Variants in EPB41L3 observed in about 807,000 individuals in gnomAD.
EPB41L3 encodes band 4.1-like protein 3.
EPB41L3 carries 57 observed loss-of-function variants against 127.1 expected under a neutral mutation model. The observed-to-expected ratio is 0.45, with a 90% CI of 0.36 to 0.56. The LOEUF (loss-of-function observed/expected upper bound fraction) is 0.56. Ranked by LOEUF, EPB41L3 falls within the 20% of genes least tolerant of loss-of-function variation. EPB41L3 has a pLI of 0.00. For synonymous variants in EPB41L3, 572 were observed against 549.5 expected, an observed-to-expected ratio of 1.04 and a Z score of -0.57; for missense variants, 1,273 against 1,372.2, an observed-to-expected ratio of 0.93 and a Z score of 1.14.
At chr18:5,609,662 T>C (rs2094703545) in intron 3 of EPB41L3, among the ~76,000 whole-genome samples, 1 of 152,192 alleles carries the variant, frequency 6.6e-6, no homozygotes, top group Admixed American at 6.5e-5. Flanking sequence ...CAACGTACAA[T>C]TTCCAATGGA....
chr18:5,570,236 T>C (rs896982390), intron 3 of EPB41L3: 6 of 152,166 alleles, frequency 3.9e-5, no homozygotes, highest in African/African-American at 1.4e-4. Context: ...TAAAATTATA[T>C]TTAGAATGAG....
At chr18:5,473,470 T>C (rs912446593) in intron 3 of EPB41L3, among the ~76,000 whole-genome samples, 4 of 151,218 alleles carry the variant, frequency 2.6e-5, no homozygotes, top group Non-Finnish European at 5.9e-5. Flanking sequence ...GGACCGAAAT[T>C]TGAGATCAAG....
chr18:5,611,313 T>C (rs2094722770), intron 3 of EPB41L3, among the ~76,000 whole-genome samples: 1 of 152,134 alleles, frequency 6.6e-6, no homozygotes, highest in Non-Finnish European at 1.5e-5. Flanking sequence ...TACTCAGCCT[T>C]CAAAAGGAAG....
At chr18:5,440,210 T>A (rs2080472220) in intron 5 of EPB41L3, among the ~76,000 whole-genome samples, 1 of 152,206 alleles carries the variant, frequency 6.6e-6, no homozygotes, top group Non-Finnish European at 1.5e-5. Context: ...AAAAATGGGC[T>A]TTGGAACCAC....
At position 5,535,331 on chromosome 18, in the gene EPB41L3, C is replaced by A. The variant is rs115759816; in HGVS notation, c.-12+8582G>T. On this transcript the variant is annotated intron_variant, in intron 1 of 22. Transcript: ENST00000341928. ...CCCCTGTTCTACAATATAACTCCCCCCAATGAATTACTGCTCTCATTTCAA... is the reference window on the plus strand; with the variant it reads ...CCCCTGTTCTACAATATAACTCCCCACAATGAATTACTGCTCTCATTTCAA... Among the ~76,000 whole-genome samples, 923 of 152,234 alleles carry A rather than the reference C, an allele frequency of 6.1e-3. 9 individuals are homozygous for A. Among genetic ancestry groups the A allele is most frequent in the African/African-American group, 0.022 (896 of 41,510 alleles).
At chr18:5,409,181 C>T (rs2144185802) in intron 14 of EPB41L3, among the ~76,000 whole-genome samples, 1 of 152,282 alleles carries the variant, frequency 6.6e-6, no homozygotes, top group South Asian at 2.1e-4. Flanking sequence ...ACCCATTCTT[C>T]AGTGCATAGG....
chr18:5,515,254 TGA>T lies in EPB41L3; in HGVS notation c.-11-26062_-11-26061del. 2.6e-5 allele frequency among the ~76,000 whole-genome samples: 4 copies of T among 152,338 alleles called. No homozygotes were observed. The South Asian group carries it at 6.2e-4, about 24-fold the overall frequency. On this transcript the variant is annotated intron_variant, in intron 1 of 22. Coordinates refer to ENST00000341928, the MANE Select transcript of EPB41L3 (RefSeq NM_012307.5). ...CACCATGTACACTGCGGGGTGCTAC[TGA>T]GAGTTTTTTTGCTTTGTAGCATTCC...
chr18:5,463,681 A>T (rs2084429698), intron 3 of EPB41L3: 1 of 152,200 alleles, frequency 6.6e-6, no homozygotes, highest in African/African-American at 2.4e-5. Flanking sequence ...CAGGGAAATG[A>T]ATTATGCCGA....
At chr18:5,588,349 C>T (rs1355117129) in intron 3 of EPB41L3, among the ~76,000 whole-genome samples, 2 of 151,916 alleles carry the variant, frequency 1.3e-5, no homozygotes, top group African/African-American at 4.8e-5. Context: ...TGGCCTTTTC[C>T]TAATTATAAA....
chr18:5,424,747 G>A (rs2077926473), intron 9 of EPB41L3, among the ~76,000 whole-genome samples: 1 of 152,118 alleles, frequency 6.6e-6, no homozygotes, highest in Non-Finnish European at 1.5e-5. Flanking sequence ...GTACAGAAAT[G>A]AACAAAATGT....
rs370424901 is a variant in EPB41L3 at position 5,398,004 on chromosome 18, C to T, written c.2472+17G>A. 70 of 1,613,810 alleles carry T rather than the reference C, an allele frequency of 4.3e-5. No individual in the cohort carries two copies. The highest frequency in any genetic ancestry group is 3.6e-4 in the African/African-American group (27 of 74,896). The stretch of plus-strand genomic sequence containing the variant: ...TGGGCACATTCAGAAACACCAAGGA[C>T]GAAAACAAATGGCCACCTGAACCCA... On this transcript the variant is annotated intron_variant, in intron 17 of 22. Coordinates refer to ENST00000341928, the MANE Select transcript of EPB41L3 (RefSeq NM_012307.5).
intron 3 of EPB41L3, among the ~76,000 whole-genome samples, chr18:5,455,524 T>C (rs915010459): frequency 3.9e-5 from 6 of 152,178 alleles, no homozygotes; most frequent in African/African-American, 1.4e-4. Flanking sequence ...AGTTGACCTA[T>C]GTTTTGACTT....
chr18:5,555,743 T>C (rs1309860361), intron 3 of EPB41L3, among the ~76,000 whole-genome samples: 2 of 152,148 alleles, frequency 1.3e-5, no homozygotes, highest in African/African-American at 4.8e-5. Flanking sequence ...GGGACATGAG[T>C]GAGCACTCAG....
intron 3 of EPB41L3, chr18:5,577,427 C>G (rs956926261): frequency 2.4e-6 from 1 of 421,424 alleles, no homozygotes; most frequent in Non-Finnish European, 4.7e-6. Context: ...CATTGACTCT[C>G]CGGCTTCTAT....
rs928753809 is a variant in EPB41L3, at chr18:5,477,372, G to C, written c.381+869C>G. 5.9e-5 allele frequency among the ~76,000 whole-genome samples: 9 copies of C among 152,190 alleles called. No individual in the cohort carries two copies. In the South Asian group the frequency reaches 8.3e-4, roughly 14 times the overall value. The stretch of plus-strand genomic sequence containing the variant: ...GACTCTGAAAGCACAGTGGAATGAA[G>C]GGGGAGAGGGGCTGGCTTGGAGATG... On this transcript the variant is annotated intron_variant, in intron 3 of 22. Transcript: ENST00000341928.
chr18:5,456,795 C>T (rs774860850), intron 3 of EPB41L3, among the ~76,000 whole-genome samples: 2 of 152,232 alleles, frequency 1.3e-5, no homozygotes, highest in Admixed American at 1.3e-4. Context: ...TGCTAATCCT[C>T]TTTGCCCAGC....
intron 1 of EPB41L3, among the ~76,000 whole-genome samples, chr18:5,527,260 T>C (rs895614045): frequency 4.6e-5 from 7 of 152,158 alleles, no homozygotes; most frequent in African/African-American, 1.4e-4. Flanking sequence ...CAGCACACAC[T>C]GATTCTCTCG....
chr18:5,627,601 G>T (rs9959471), intron 1 of EPB41L3, among the ~76,000 whole-genome samples: 236 of 152,250 alleles, frequency 1.6e-3, no homozygotes, highest in African/African-American at 5.2e-3. Flanking sequence ...TTAATATTCT[G>T]ATTTTAATAA....
intron 9 of EPB41L3, 105 bp from the exon 10 acceptor site, chr18:5,424,464 T>A: frequency 7.3e-6 from 6 of 827,508 alleles, no homozygotes; most frequent in Non-Finnish European, 1.1e-5. Flanking sequence ...TTTAAAAATT[T>A]ACTTACTAGA....
Sources: allele counts gnomAD v4.1 joint callset (sites outside exome capture counted in the v4.1 genomes callset), GRCh38; gene constraint gnomAD v4.1.1; transcripts MANE v1.5; gene names NCBI Gene and HGNC (gene_info 2026-07-23, HGNC 2026-07-21).